The following PLEKHA2 variants were observed in gnomAD, a reference collection of about 807,000 sequenced individuals.
PLEKHA2 encodes pleckstrin homology domain containing A2, also known as pleckstrin homology domain-containing family A member 2.
In PLEKHA2, 28 loss-of-function variants were observed where a neutral mutation model predicts 53.2. The ratio of observed to expected loss-of-function variants is 0.53; its 90% CI spans 0.39 to 0.72. The LOEUF (loss-of-function observed/expected upper bound fraction) is 0.72, where lower values mean the gene tolerates loss of function less well. Ranked by LOEUF, PLEKHA2 falls within the 30% of genes least tolerant of loss-of-function variation. The pLI, the probability that PLEKHA2 is intolerant of heterozygous loss-of-function variation, is 0.00. For missense variants in PLEKHA2, 426 were observed against 537.9 expected (o/e 0.79, Z 2.06); for synonymous variants, 193 against 196.4 (o/e 0.98, Z 0.14).
At chr8:38,927,084 T>C (rs1834302641) in intron 2 of PLEKHA2, among the ~76,000 whole-genome samples, 1 of 152,250 alleles carries the variant, frequency 6.6e-6, no homozygotes, top group African/African-American at 2.4e-5. Context: ...GTGATGACTA[T>C]TCTAAGTTTT....
At chr8:38,943,246 T>A (rs140007864) in intron 3 of PLEKHA2, among the ~76,000 whole-genome samples, 1 of 152,134 alleles carries the variant, frequency 6.6e-6, no homozygotes, top group East Asian at 1.9e-4. Context: ...TTTGGGAGGC[T>A]GAGGCGGGAG....
intron 7 of PLEKHA2, 36 bp from the exon 8 acceptor site, chr8:38,952,600 C>T (rs770150579): frequency 6.3e-7 from 1 of 1,590,148 alleles, no homozygotes; most frequent in East Asian, 2.2e-5. Flanking sequence ...CTGGGCACCT[C>T]TCGCTAATGG....
chr8:38,929,278 C>T (rs554374066), intron 2 of PLEKHA2, among the ~76,000 whole-genome samples: 1 of 152,348 alleles, frequency 6.6e-6, no homozygotes, highest in South Asian at 2.1e-4. Context: ...CAGCATCTCT[C>T]CTTCCTTCCC....
intron 7 of PLEKHA2, 41 bp downstream of exon 7, chr8:38,952,353 T>C: frequency 6.2e-7 from 1 of 1,600,562 alleles, no homozygotes; most frequent in Non-Finnish European, 8.5e-7. Context: ...TTCTGGTGAC[T>C]CCTCAGAGCC....
At chr8:38,952,936 AT>A (rs146846522) in intron 8 of PLEKHA2, among the ~76,000 whole-genome samples, 1 of 151,854 alleles carries the variant, frequency 6.6e-6, no homozygotes, top group Admixed American at 6.6e-5. Context: ...TTCTTCTTAT[AT>A]TTTTTTGTCT....
intron 1 of PLEKHA2, among the ~76,000 whole-genome samples, chr8:38,909,745 T>C (rs1202150927): frequency 6.6e-6 from 1 of 152,172 alleles, no homozygotes; most frequent in East Asian, 1.9e-4. Context: ...CTGGCAGGTG[T>C]CGGCCAGGAA....
At chr8:38,954,958 C>T (rs7823851) in intron 9 of PLEKHA2, among the ~76,000 whole-genome samples, 28,821 of 152,104 alleles carry the variant, frequency 0.19, 3,014 homozygotes, top group South Asian at 0.25. Context: ...CGCTTGAACC[C>T]GGGAGGCGGA....
intron 6 of PLEKHA2, among the ~76,000 whole-genome samples, 183 bp downstream of exon 6, chr8:38,951,173 G>A (rs945461622): frequency 4.6e-5 from 7 of 152,212 alleles, no homozygotes; most frequent in Admixed American, 2.0e-4. Flanking sequence ...TGTTAGTGAC[G>A]GCAGTGCGGA....
At chr8:38,925,045 A>C (rs985659110) in intron 2 of PLEKHA2, among the ~76,000 whole-genome samples, 2 of 150,676 alleles carry the variant, frequency 1.3e-5, no homozygotes, top group African/African-American at 4.9e-5. Context: ...GATGTTCAGC[A>C]TGAGATCTAC....
chr8:38,970,278 A>G lies in PLEKHA2; in HGVS notation c.*495A>G. On this transcript the variant is annotated 3_prime_UTR_variant, in exon 12 of 12. Coordinates refer to ENST00000617275, the MANE Select transcript of PLEKHA2 (RefSeq NM_021623.2). ...CGCTATGTGTTTTGTACCCTTGCAAACTTGCTTTCTCTTTCTTCTTGCTGT... is the reference window on the plus strand; with the variant it reads ...CGCTATGTGTTTTGTACCCTTGCAAGCTTGCTTTCTCTTTCTTCTTGCTGT... The G allele has an allele frequency of 2.8e-6, 1 of 363,628 alleles. No homozygotes were observed. Among genetic ancestry groups the G allele is most frequent in the Non-Finnish European group, 4.8e-6 (1 of 206,190 alleles). 22.5% of individuals were successfully genotyped at this position (363,628 alleles called of 1,614,324 possible). A position where few individuals can be genotyped will look rare whatever the true frequency, so the allele number is the denominator to read the frequency against.
intron 1 of PLEKHA2, among the ~76,000 whole-genome samples, chr8:38,915,267 C>T (rs895448613): frequency 1.3e-5 from 2 of 152,212 alleles, no homozygotes; most frequent in Admixed American, 6.5e-5. Context: ...TCTGATTCCT[C>T]ATTCTTTCCA....
chr8:38,902,731 A>G (rs72636193), intron 1 of PLEKHA2, among the ~76,000 whole-genome samples: 2,479 of 152,346 alleles, frequency 0.016, 30 homozygotes, highest in Non-Finnish European at 0.025. Context: ...TTTCTATTTC[A>G]GTTGCATTCA....
chr8:38,902,649 A>AT (rs535817718), intron 1 of PLEKHA2, among the ~76,000 whole-genome samples: 8 of 151,800 alleles, frequency 5.3e-5, no homozygotes, highest in South Asian at 2.1e-4. Context: ...TTCTTTTGTC[A>AT]TTTTTTTTCT....
At chr8:38,951,014 G>C (rs147813480) in intron 6 of PLEKHA2, 24 bp downstream of exon 6, 4 of 1,605,310 alleles carry the variant, frequency 2.5e-6, no homozygotes. Flanking sequence ...CTGGGGCTGC[G>C]GGGGGAGTGG....
chr8:38,946,466 G>A (rs1251394514), intron 5 of PLEKHA2, among the ~76,000 whole-genome samples: 2 of 152,188 alleles, frequency 1.3e-5, no homozygotes, highest in Non-Finnish European at 2.9e-5. Flanking sequence ...TCCTGGGAGG[G>A]CTCCCGATCA....
intron 2 of PLEKHA2, among the ~76,000 whole-genome samples, chr8:38,932,538 G>C (rs907744959): frequency 6.6e-6 from 1 of 152,178 alleles, no homozygotes; most frequent in Non-Finnish European, 1.5e-5. Context: ...CCGCTACCTA[G>C]GTGCTGTTTC....
At chr8:38,911,862 G>T (rs1833959570) in intron 1 of PLEKHA2, among the ~76,000 whole-genome samples, 1 of 152,200 alleles carries the variant, frequency 6.6e-6, no homozygotes, top group Non-Finnish European at 1.5e-5. Flanking sequence ...TGTAGTCCCA[G>T]CTACTGGGGA....
At chr8:38,926,854 G>T (rs1427722175) in intron 2 of PLEKHA2, among the ~76,000 whole-genome samples, 1 of 152,182 alleles carries the variant, frequency 6.6e-6, no homozygotes, top group Non-Finnish European at 1.5e-5. Context: ...GGCAGAGGTT[G>T]CAGTGAGCTG....
intron 9 of PLEKHA2, among the ~76,000 whole-genome samples, chr8:38,954,617 A>T (rs1373161514): frequency 6.6e-6 from 1 of 152,178 alleles, no homozygotes; most frequent in Non-Finnish European, 1.5e-5. Context: ...TGCAGCTTCC[A>T]TGCCTGTTAG....
Sources: allele counts gnomAD v4.1 joint callset (sites outside exome capture counted in the v4.1 genomes callset), GRCh38; gene constraint gnomAD v4.1.1; transcripts MANE v1.5; gene names NCBI Gene and HGNC (gene_info 2026-07-23, HGNC 2026-07-21).